GPR137C: variants seen among roughly 807,000 people sequenced by gnomAD.
GPR137C encodes G protein-coupled receptor 137C.
In GPR137C, 27 loss-of-function variants were observed where a neutral mutation model predicts 43.4. The ratio of observed to expected loss-of-function variants is 0.62; its 90% confidence interval spans 0.46 to 0.86. The LOEUF (loss-of-function observed/expected upper bound fraction) is 0.86, where lower values mean the gene tolerates loss of function less well. GPR137C is among the 40% of genes least tolerant of loss of function. The pLI, the probability that GPR137C is intolerant of heterozygous loss-of-function variation, is 0.00. For synonymous variants in GPR137C, 285 were observed against 226.9 expected (o/e 1.26, Z -2.30); for missense variants, 522 against 534.6 (o/e 0.98, Z 0.23).
rs996902452 is a variant in GPR137C at position 52,612,304 on chromosome 14, T to C, written c.717+11963T>C. 4.0e-5 allele frequency: 36 copies of C among 897,210 alleles called. No individual in the cohort carries two copies. In the African/African-American group the frequency reaches 6.1e-4, roughly 15 times the overall value. 55.6% of individuals were successfully genotyped at this position (897,210 alleles called of 1,614,324 possible). On this transcript the variant is annotated intron_variant, in intron 3 of 6. Transcript: ENST00000321662. ...CCCCTTATACTAGTAAAGGATTTTC[T>C]CATGCTATTAAAAATTATTTTTAAG...
intron 1 of GPR137C, among the ~76,000 whole-genome samples, chr14:52,562,824 A>G (rs1054685355): frequency 2.6e-5 from 4 of 152,222 alleles, no homozygotes; most frequent in Non-Finnish European, 5.9e-5. Flanking sequence ...CTAATCATCT[A>G]ATTTATGTTA....
chr14:52,596,445 C>G (rs1027000660), intron 1 of GPR137C, among the ~76,000 whole-genome samples: 1 of 152,344 alleles, frequency 6.6e-6, no homozygotes, highest in South Asian at 2.1e-4. Flanking sequence ...TCTAGCGAGG[C>G]GGTAGGCCTT....
intron 1 of GPR137C, among the ~76,000 whole-genome samples, chr14:52,559,597 ATTATAC>A (rs1344401077): frequency 2.0e-5 from 3 of 152,116 alleles, no homozygotes; most frequent in African/African-American, 7.2e-5. Context: ...TATAGCTGAT[ATTATAC>A]TTAAATATTG....
intron 1 of GPR137C, among the ~76,000 whole-genome samples, chr14:52,589,007 A>G (rs1594792647): frequency 6.6e-6 from 1 of 152,234 alleles, no homozygotes; most frequent in Admixed American, 6.5e-5. Flanking sequence ...TGATGAATGG[A>G]TAAGCAAAAT....
chr14:52,627,798 C>T (rs2039246192), intron 3 of GPR137C, among the ~76,000 whole-genome samples: 1 of 152,108 alleles, frequency 6.6e-6, no homozygotes, highest in South Asian at 2.1e-4. Context: ...GAGCCAAGAT[C>T]ACACCACTGC....
At chr14:52,614,823 T>C (rs2039080748) in intron 3 of GPR137C, among the ~76,000 whole-genome samples, 1 of 152,198 alleles carries the variant, frequency 6.6e-6, no homozygotes, top group Non-Finnish European at 1.5e-5. Flanking sequence ...TTTTTTTTCC[T>C]ATAGAGTTTG....
At chr14:52,634,618 T>C (rs997119218) in intron 6 of GPR137C, among the ~76,000 whole-genome samples, 1 of 152,104 alleles carries the variant, frequency 6.6e-6, no homozygotes, top group African/African-American at 2.4e-5. Context: ...TCTGCATACA[T>C]ACATACATAC....
chr14:52,631,953 C>CAAA (rs35962083), intron 3 of GPR137C, among the ~76,000 whole-genome samples: 2 of 129,008 alleles, frequency 1.6e-5, no homozygotes. Context: ...GGCAAGTTGG[C>CAAA]AAAAAAAAAA....
intron 1 of GPR137C, among the ~76,000 whole-genome samples, chr14:52,564,967 CA>C (rs139871058): frequency 0.089 from 13,600 of 152,116 alleles, 670 homozygotes; most frequent in East Asian, 0.15. Context: ...ACAAAAGTCC[CA>C]AAATCAGATG....
At chr14:52,581,130 A>G (rs995086659) in intron 1 of GPR137C, among the ~76,000 whole-genome samples, 3 of 147,754 alleles carry the variant, frequency 2.0e-5, no homozygotes, top group African/African-American at 7.5e-5. Context: ...CGGGCGGCAG[A>G]GGTTGCAGTG....
chr14:52,564,167 C>T (rs1317251337), intron 1 of GPR137C, among the ~76,000 whole-genome samples: 1 of 148,970 alleles, frequency 6.7e-6, no homozygotes, highest in African/African-American at 2.5e-5. Flanking sequence ...CTCAGCTACT[C>T]GGGAGGCTGA....
At chr14:52,580,960 A>G (rs540565631) in intron 1 of GPR137C, among the ~76,000 whole-genome samples, 74 of 150,730 alleles carry the variant, frequency 4.9e-4, no homozygotes, top group African/African-American at 1.8e-3. Flanking sequence ...GCACTTTGGG[A>G]GGCTGAGACA....
chr14:52,554,714 A>G (rs1251061238), intron 1 of GPR137C, among the ~76,000 whole-genome samples: 5 of 35,300 alleles, frequency 1.4e-4, no homozygotes, highest in Non-Finnish European at 1.8e-4. Context: ...AAGCAAAAGT[A>G]AAAAAAAAAA....
At chr14:52,599,572 T>C (rs917326311) in intron 2 of GPR137C, among the ~76,000 whole-genome samples, 2 of 152,090 alleles carry the variant, frequency 1.3e-5, no homozygotes, top group Non-Finnish European at 2.9e-5. Flanking sequence ...TAGCTGGGAC[T>C]ACAGGCGTGT....
intron 3 of GPR137C, among the ~76,000 whole-genome samples, chr14:52,614,278 AC>A (rs888375754): frequency 4.0e-5 from 6 of 150,846 alleles, no homozygotes; most frequent in Admixed American, 6.6e-5. Context: ...GCACCACCAC[AC>A]CTGGCTAATT....
intron 1 of GPR137C, chr14:52,597,091 A>G: frequency 2.4e-6 from 1 of 414,594 alleles, no homozygotes; most frequent in Admixed American, 2.5e-5. Flanking sequence ...TTGCCTGATG[A>G]TTCACCTGCC....
intron 3 of GPR137C, among the ~76,000 whole-genome samples, chr14:52,609,191 G>C (rs909826005): frequency 8.6e-5 from 13 of 151,766 alleles, no homozygotes; most frequent in African/African-American, 2.9e-4. Flanking sequence ...AACCAATTCT[G>C]CTGTTGCTCC....
Position 52,552,970 on chromosome 14 carries a change from C to T in GPR137C, c.-178C>T, listed in dbSNP as rs1237081368. 8.0e-6 allele frequency among the ~76,000 whole-genome samples: 1 copy of T among 125,508 alleles called. No individual in the cohort carries two copies. The highest frequency in any genetic ancestry group is 1.6e-5 in the Non-Finnish European group (1 of 61,484). 82.3% of individuals were successfully genotyped at this position (125,508 alleles called of 152,430 possible). ...CCGGGGGGTGGGGGGAAAGAGGAGGCGGGGTCCGGGGGAGCCGCGGCTGCT... is the reference window on the plus strand; with the variant it reads ...CCGGGGGGTGGGGGGAAAGAGGAGGTGGGGTCCGGGGGAGCCGCGGCTGCT... On this transcript the variant is annotated 5_prime_UTR_variant, in exon 1 of 7. Transcript: ENST00000321662.
At position 52,600,254 on chromosome 14, in the gene GPR137C, C is replaced by T; in HGVS notation, c.630C>T (p.Ser210=). 1.2e-6 allele frequency: 2 copies of T among 1,613,386 alleles called. No individual in the cohort carries two copies. Among genetic ancestry groups the T allele is most frequent in the Admixed American group, 1.7e-5 (1 of 59,994 alleles). ...TTGTTCGAGCATTAATTAATGATAG[C>T]CTGTTTATTCTTTGTGCCATCTCTT... ...TVFVRALIND[S]LFILCAISLV... The change falls in exon 3 of 7, where the codon AGC becomes AGT. Residue 210 remains serine (S), a synonymous_variant. Coordinates refer to ENST00000321662, the MANE Select transcript of GPR137C (RefSeq NM_001099652.2).
Sources: gnomAD v4.1 joint callset for allele counts (sites outside exome capture counted in the v4.1 genomes callset) on GRCh38, gnomAD v4.1.1 for gene constraint, MANE v1.5 for transcripts, NCBI Gene and HGNC (gene_info 2026-07-23, HGNC 2026-07-21) for gene names.